The following SPATA6 variants were observed in gnomAD, a reference collection of about 807,000 sequenced individuals.
SPATA6 encodes spermatogenesis associated 6.
In SPATA6, 56 loss-of-function variants were observed where a neutral mutation model predicts 65.3. The ratio of observed to expected loss-of-function variants is 0.86; its 90% confidence interval spans 0.69 to 1.07. The LOEUF (loss-of-function observed/expected upper bound fraction) is 1.07, where lower values mean the gene tolerates loss of function less well. Among genes scored for constraint, SPATA6 ranks in the 50% least tolerant of loss-of-function variants. SPATA6 has a pLI of 0.00. For synonymous variants in SPATA6, 199 were observed against 213.2 expected, an observed-to-expected ratio of 0.93 and a Z score of 0.58; for missense variants, 590 against 594.8, an observed-to-expected ratio of 0.99 and a Z score of 0.08.
intron 9 of SPATA6, among the ~76,000 whole-genome samples, chr1:48,367,937 T>A (rs1252488125): frequency 6.6e-6 from 1 of 152,230 alleles, no homozygotes; most frequent in South Asian, 2.1e-4. Context: ...CTGATACCAG[T>A]TGTTCCTTTC....
intron 11 of SPATA6, among the ~76,000 whole-genome samples, chr1:48,342,925 T>C (rs1389682227): frequency 1.3e-5 from 2 of 152,050 alleles, no homozygotes. Context: ...CAAAATGAGG[T>C]GACAAGATAT....
intron 5 of SPATA6, among the ~76,000 whole-genome samples, chr1:48,406,133 G>C (rs1651681157): frequency 6.6e-6 from 1 of 152,020 alleles, no homozygotes; most frequent in Non-Finnish European, 1.5e-5. Context: ...AATCACTATA[G>C]ACATTCCTGT....
At chr1:48,341,430 G>T (rs1453433764) in intron 11 of SPATA6, among the ~76,000 whole-genome samples, 2 of 152,144 alleles carry the variant, frequency 1.3e-5, no homozygotes, top group Non-Finnish European at 2.9e-5. Context: ...CTTTTGTCCA[G>T]CATACCCACG....
chr1:48,431,718 T>C (rs553544810), intron 3 of SPATA6, among the ~76,000 whole-genome samples: 2 of 152,182 alleles, frequency 1.3e-5, no homozygotes, highest in East Asian at 1.9e-4. Flanking sequence ...TAGAAAATAC[T>C]TGGAGATAAA....
intron 9 of SPATA6, among the ~76,000 whole-genome samples, chr1:48,368,020 G>T (rs1436710945): frequency 2.6e-5 from 4 of 152,138 alleles, no homozygotes; most frequent in Non-Finnish European, 5.9e-5. Flanking sequence ...GCATTTGCTT[G>T]TCTGTATAGT....
chr1:48,452,993 C>T lies in SPATA6; in HGVS notation c.189+1G>A, dbSNP rs1265981761. 2 of 1,610,834 alleles carry T rather than the reference C, an allele frequency of 1.2e-6. No individual in the cohort carries two copies. Among genetic ancestry groups the T allele is most frequent in the Non-Finnish European group, 1.7e-6 (2 of 1,179,200 alleles). On this transcript the variant is annotated splice_donor_variant, in intron 2 of 12. Transcript: ENST00000371847. LOFTEE classifies it high-confidence loss of function. ...ATACTTGATCTGATATTTGAACTCA[C>T]CTTTTCAAACACCATTCTGGCATTG...
At chr1:48,407,368 T>C (rs72895125) in intron 5 of SPATA6, among the ~76,000 whole-genome samples, 3,923 of 152,216 alleles carry the variant, frequency 0.026, 111 homozygotes, top group African/African-American at 0.071. Flanking sequence ...CCCAGGACCT[T>C]CCTGTCAACT....
intron 11 of SPATA6, among the ~76,000 whole-genome samples, chr1:48,347,277 A>C (rs1304271722): frequency 6.6e-6 from 1 of 151,808 alleles, no homozygotes; most frequent in African/African-American, 2.4e-5. Context: ...AGAAGGCTGA[A>C]AGTGGGGGAA....
chr1:48,426,390 A>G, intron 3 of SPATA6, among the ~76,000 whole-genome samples: 1 of 152,188 alleles, frequency 6.6e-6, no homozygotes. Context: ...TAAGAACTAC[A>G]GAAACTGACC....
the SPATA6 span, among the ~76,000 whole-genome samples, chr1:48,264,535 C>A: frequency 6.6e-6 from 1 of 152,064 alleles, no homozygotes. Flanking sequence ...CACCTCCCGA[C>A]AGGCCCCAGT....
chr1:48,285,001 C>A, the SPATA6 span, among the ~76,000 whole-genome samples: 1 of 152,206 alleles, frequency 6.6e-6, no homozygotes, highest in Non-Finnish European at 1.5e-5. Flanking sequence ...CACGCAGGAA[C>A]GTTTAAGTCT....
At chr1:48,361,314 T>C (rs1646805831) in intron 9 of SPATA6, among the ~76,000 whole-genome samples, 1 of 152,056 alleles carries the variant, frequency 6.6e-6, no homozygotes, top group Non-Finnish European at 1.5e-5. Context: ...TGGAAGTGAA[T>C]AAACAATGTA....
intron 9 of SPATA6, among the ~76,000 whole-genome samples, chr1:48,364,102 T>C (rs1231592922): frequency 6.6e-6 from 1 of 152,184 alleles, no homozygotes; most frequent in Non-Finnish European, 1.5e-5. Context: ...ATTTCCAATT[T>C]CATCCATGTC....
chr1:48,437,861 A>G (rs888709742), intron 3 of SPATA6, among the ~76,000 whole-genome samples: 1 of 149,600 alleles, frequency 6.7e-6, no homozygotes, highest in African/African-American at 2.5e-5. Context: ...AAATTCATGC[A>G]CCCCGTGGGA....
intron 1 of SPATA6, among the ~76,000 whole-genome samples, chr1:48,458,631 G>A (rs1657183777): frequency 6.6e-6 from 1 of 152,146 alleles, no homozygotes; most frequent in Admixed American, 6.5e-5. Flanking sequence ...GTACTGATAC[G>A]TGCTACAAGA....
intron 11 of SPATA6, among the ~76,000 whole-genome samples, chr1:48,306,717 C>A (rs1449776091): frequency 6.6e-6 from 1 of 151,844 alleles, no homozygotes; most frequent in Non-Finnish European, 1.5e-5. Context: ...CAGCTGAATG[C>A]ACATTGTGAA....
intron 11 of SPATA6, among the ~76,000 whole-genome samples, chr1:48,307,965 A>G (rs1274387902): frequency 6.6e-6 from 1 of 151,870 alleles, no homozygotes; most frequent in Non-Finnish European, 1.5e-5. Context: ...CACTGAACTT[A>G]TTTGTGCCTT....
chr1:48,437,182 T>C (rs1355911986), intron 3 of SPATA6: 3 of 1,611,594 alleles, frequency 1.9e-6, no homozygotes, highest in Non-Finnish European at 2.5e-6. Context: ...TGAGCCAGAA[T>C]GTGATTTTCC....
At chr1:48,318,269 G>T (rs1426624926) in intron 11 of SPATA6, among the ~76,000 whole-genome samples, 2 of 152,156 alleles carry the variant, frequency 1.3e-5, no homozygotes, top group African/African-American at 2.4e-5. Context: ...TATATTGGGG[G>T]TGCTATCCAG....
Sources: allele counts gnomAD v4.1 joint callset (sites outside exome capture counted in the v4.1 genomes callset), GRCh38; gene constraint gnomAD v4.1.1; transcripts MANE v1.5; gene names NCBI Gene and HGNC (gene_info 2026-07-23, HGNC 2026-07-21).